SLC14A2: variants seen among roughly 807,000 people sequenced by gnomAD.
The protein encoded by SLC14A2 is urea transporter 2.
In SLC14A2, 91 loss-of-function variants were observed where a neutral mutation model predicts 104.6. The observed-to-expected ratio is 0.87, with a 90% CI of 0.73 to 1.04. The LOEUF (loss-of-function observed/expected upper bound fraction) is 1.04, where lower values mean the gene tolerates loss of function less well. Among genes scored for constraint, SLC14A2 ranks in the 50% least tolerant of loss-of-function variants. SLC14A2 has a pLI of 0.00. For missense variants in SLC14A2, 1,189 were observed against 1,156.0 expected (o/e 1.03, Z -0.41); for synonymous variants, 476 against 466.4 (o/e 1.02, Z -0.27).
At chr18:45,544,040 T>A (rs1489147471) in intron 2 of SLC14A2, among the ~76,000 whole-genome samples, 1 of 152,256 alleles carries the variant, frequency 6.6e-6, no homozygotes, top group African/African-American at 2.4e-5. Flanking sequence ...GCACATCTTA[T>A]GTGACTCCAC....
chr18:45,168,870 A>T, the SLC14A2 span: 1 of 152,202 alleles, frequency 6.6e-6, no homozygotes, highest in African/African-American at 2.4e-5. Flanking sequence ...CTCTCTATAT[A>T]TTAAAACTTT....
At chr18:45,572,891 TATAAGG>T (rs113360289) in intron 2 of SLC14A2, among the ~76,000 whole-genome samples, 3 of 152,328 alleles carry the variant, frequency 2.0e-5, no homozygotes, top group African/African-American at 4.8e-5. Context: ...AAAAAAATTC[TATAAGG>T]ATGAGTACGT....
intron 10 of SLC14A2, among the ~76,000 whole-genome samples, chr18:45,650,230 A>G (rs1428926439): frequency 6.6e-6 from 1 of 152,168 alleles, no homozygotes; most frequent in Non-Finnish European, 1.5e-5. Context: ...CTTCAATTCA[A>G]TGGATAAGTT....
At chr18:45,241,087 G>A (rs1568117101) in intron 1 of SLC14A2, among the ~76,000 whole-genome samples, 1 of 152,184 alleles carries the variant, frequency 6.6e-6, no homozygotes, top group Admixed American at 6.5e-5. Flanking sequence ...AGTGAGACAG[G>A]AAAAGGAACA....
chr18:45,493,562 G>A (rs1487581940), intron 2 of SLC14A2, among the ~76,000 whole-genome samples: 4 of 152,206 alleles, frequency 2.6e-5, no homozygotes, highest in African/African-American at 9.7e-5. Context: ...ATAATCCAAA[G>A]TTGCATAGGT....
At chr18:45,594,629 T>C (rs2044696936) in intron 2 of SLC14A2, among the ~76,000 whole-genome samples, 1 of 152,074 alleles carries the variant, frequency 6.6e-6, no homozygotes, top group African/African-American at 2.4e-5. Flanking sequence ...CGTCCAACCA[T>C]CCAGAAACTA....
intron 1 of SLC14A2, among the ~76,000 whole-genome samples, chr18:45,475,637 T>TATAC (rs1568227791): frequency 3.1e-5 from 1 of 32,722 alleles, no homozygotes; most frequent in South Asian, 1.3e-3. Context: ...TATATATATA[T>TATAC]TTAGGATATA....
At chr18:45,199,427 T>G in the SLC14A2 span, among the ~76,000 whole-genome samples, 1 of 152,182 alleles carries the variant, frequency 6.6e-6, no homozygotes, top group Non-Finnish European at 1.5e-5. Flanking sequence ...TTTTAAATCA[T>G]GTTTTCTGTC....
chr18:45,197,406 T>C, the SLC14A2 span, among the ~76,000 whole-genome samples: 1 of 152,190 alleles, frequency 6.6e-6, no homozygotes, highest in African/African-American at 2.4e-5. Context: ...AGTGAGAGCC[T>C]ATCAGTATCA....
intron 1 of SLC14A2, among the ~76,000 whole-genome samples, chr18:45,256,498 G>A (rs144494953): frequency 2.0e-5 from 3 of 152,298 alleles, no homozygotes; most frequent in East Asian, 1.9e-4. Context: ...CTCCTTCTCT[G>A]TGATTCTTAC....
At chr18:45,385,978 G>A (rs2085892039) in intron 1 of SLC14A2, among the ~76,000 whole-genome samples, 1 of 152,208 alleles carries the variant, frequency 6.6e-6, no homozygotes, top group Admixed American at 6.5e-5. Flanking sequence ...GGGTGAAGCA[G>A]AAAACACAAT....
At chr18:45,346,819 T>C (rs1370889493) in intron 1 of SLC14A2, among the ~76,000 whole-genome samples, 1 of 151,674 alleles carries the variant, frequency 6.6e-6, no homozygotes, top group African/African-American at 2.4e-5. Context: ...ACAGTTAGCC[T>C]GGCGTGGTGG....
At chr18:45,266,015 A>C (rs1191858532) in intron 1 of SLC14A2, among the ~76,000 whole-genome samples, 5 of 152,180 alleles carry the variant, frequency 3.3e-5, no homozygotes. Flanking sequence ...ATTGATTAAC[A>C]ACAAAAACAA....
the SLC14A2 span, among the ~76,000 whole-genome samples, chr18:45,203,148 A>G: frequency 0.015 from 2,336 of 152,260 alleles, 109 homozygotes; most frequent in East Asian, 0.14. Context: ...TCAAAAGCAA[A>G]TCTCCTGAAA....
chr18:45,370,996 C>T (rs545669044), intron 1 of SLC14A2, among the ~76,000 whole-genome samples: 1 of 152,262 alleles, frequency 6.6e-6, no homozygotes, highest in Admixed American at 6.5e-5. Context: ...TTGCCAATAG[C>T]TTGGTTAGGA....
At chr18:45,358,351 C>T (rs753702798) in intron 1 of SLC14A2, among the ~76,000 whole-genome samples, 7 of 152,108 alleles carry the variant, frequency 4.6e-5, no homozygotes, top group Non-Finnish European at 7.4e-5. Context: ...TTTATATTCC[C>T]GCTACTGGGG....
chr18:45,670,585 C>T (rs531488508), intron 16 of SLC14A2, among the ~76,000 whole-genome samples: 11 of 152,272 alleles, frequency 7.2e-5, no homozygotes, highest in African/African-American at 2.4e-4. Flanking sequence ...TAAGCAACAG[C>T]GTGGTGTAGT....
At chr18:45,341,414 A>T in intron 1 of SLC14A2, among the ~76,000 whole-genome samples, 3 of 152,268 alleles carry the variant, frequency 2.0e-5, no homozygotes, top group Middle Eastern at 3.4e-3. Flanking sequence ...GCCTGAAAAG[A>T]AAGTTCCCAG....
chr18:45,191,343 G>A, the SLC14A2 span, among the ~76,000 whole-genome samples: 12 of 152,170 alleles, frequency 7.9e-5, no homozygotes, highest in Admixed American at 1.3e-4. Context: ...GAATTAAGGA[G>A]TCCCAGATAT....
Sources: gnomAD v4.1 joint callset for allele counts (sites outside exome capture counted in the v4.1 genomes callset) on GRCh38, gnomAD v4.1.1 for gene constraint, MANE v1.5 for transcripts, NCBI Gene and HGNC (gene_info 2026-07-23, HGNC 2026-07-21) for gene names.